Variants in FAM91A1 observed in about 807,000 individuals in gnomAD.
FAM91A1 encodes the protein family with sequence similarity 91 member A1.
Under a neutral mutation model 113.5 loss-of-function variants are expected in FAM91A1, and 41 were observed. That is an observed-to-expected ratio of 0.36 (90% CI 0.28 to 0.47). The LOEUF (loss-of-function observed/expected upper bound fraction) is 0.47. Ranked by LOEUF, FAM91A1 falls within the 20% of genes least tolerant of loss-of-function variation. The probability of loss-of-function intolerance (pLI) is 1.00; values close to 1 mark genes in which losing one functional copy is unlikely to be tolerated. For synonymous variants in FAM91A1, 307 were observed against 347.9 expected, an observed-to-expected ratio of 0.88 and a Z score of 1.31; for missense variants, 696 against 1,001.2, an observed-to-expected ratio of 0.70 and a Z score of 4.11.
chr8:123,806,588 G>A (rs1424210121), intron 20 of FAM91A1, among the ~76,000 whole-genome samples: 2 of 151,990 alleles, frequency 1.3e-5, no homozygotes, highest in Non-Finnish European at 2.9e-5. Context: ...AACTTTTTCT[G>A]TCAAAAGGTA....
At chr8:123,787,970 A>G (rs780689199) in intron 14 of FAM91A1, among the ~76,000 whole-genome samples, 86 of 152,262 alleles carry the variant, frequency 5.6e-4, no homozygotes, top group Non-Finnish European at 1.0e-3. Flanking sequence ...TGTCTACCTC[A>G]TCTAATTCTT....
At chr8:123,806,015 G>A (rs1459640026) in intron 19 of FAM91A1, 65 bp from the exon 20 acceptor site, 9 of 1,411,504 alleles carry the variant, frequency 6.4e-6, no homozygotes, top group Non-Finnish European at 8.4e-6. Flanking sequence ...AATAAAGTAT[G>A]TTTAAGCTGT....
intron 9 of FAM91A1, 146 bp from the exon 10 acceptor site, chr8:123,784,935 G>A: frequency 1.8e-6 from 1 of 555,354 alleles, no homozygotes; most frequent in Non-Finnish European, 3.1e-6. Flanking sequence ...AGGGAAAGAA[G>A]AAAGTTCTGA....
Position 123,814,162 on chromosome 8 carries a change from A to G in FAM91A1, c.*1458A>G, listed in dbSNP as rs1430715617. The G allele has an allele frequency of 2.5e-6, 1 of 401,896 alleles. No individual in the cohort carries two copies. The highest frequency in any genetic ancestry group is 4.8e-6 in the Non-Finnish European group (1 of 209,976). 24.9% of individuals were successfully genotyped at this position (401,896 alleles called of 1,614,324 possible). A position where few individuals can be genotyped will look rare whatever the true frequency, so the allele number is the denominator to read the frequency against. ...CGGTTAGTTTTCTACTTTGTCTTATAGAAGGTAGAAACCATGTGTATGTTA... is the reference window on the plus strand; with the variant it reads ...CGGTTAGTTTTCTACTTTGTCTTATGGAAGGTAGAAACCATGTGTATGTTA... On this transcript the variant is annotated 3_prime_UTR_variant, in exon 24 of 24. Coordinates refer to ENST00000334705, the MANE Select transcript of FAM91A1 (RefSeq NM_144963.4).
rs1199768827 is a variant in FAM91A1, at chr8:123,787,290, C to G, written c.1108C>G (p.Leu370Val). 9 of 1,611,148 alleles carry G rather than the reference C, an allele frequency of 5.6e-6. No homozygotes were observed. Among genetic ancestry groups the G allele is most frequent in the Non-Finnish European group, 7.6e-6 (9 of 1,179,406 alleles). The change falls in exon 13 of 24, where the codon CTG becomes GTG. Residue 370 changes from leucine (L) to valine (V), a missense_variant. Physicochemically the swap from Leu to Val is conservative, Grantham distance 32. Transcript: ENST00000334705. ...ADTASVSSLS[L>V]STGHTKRIAF... ...CACAGCCAGTGTAAGCAGCCTGAGT[C>G]TGTCTACAGGACACACGAAGCGCAT... is the stretch of plus-strand genomic sequence containing the variant.
chr8:123,794,736 C>T (rs1285266485), intron 15 of FAM91A1, among the ~76,000 whole-genome samples: 1 of 152,178 alleles, frequency 6.6e-6, no homozygotes, highest in Non-Finnish European at 1.5e-5. Context: ...TCAAATAACA[C>T]TAGGGGAGCC....
At position 123,777,958 on chromosome 8, in the gene FAM91A1, C is replaced by T. The variant is rs191234196; in HGVS notation, c.368-67C>T. On this transcript the variant is annotated intron_variant, in intron 4 of 23. Transcript: ENST00000334705. ...AATAAGCTCGGGTTTTTCCTACAAT[C>T]GCTTGTGAACATATTGAGATTTCAA... 3.5e-5 allele frequency: 47 copies of T among 1,345,766 alleles called. No individual in the cohort carries two copies. In the African/African-American group the frequency reaches 3.9e-4, roughly 11 times the overall value. 83.4% of individuals were successfully genotyped at this position (1,345,766 alleles called of 1,614,324 possible). A position where few individuals can be genotyped will look rare whatever the true frequency, so the allele number is the denominator to read the frequency against.
intron 18 of FAM91A1, among the ~76,000 whole-genome samples, chr8:123,803,490 A>G (rs111869283): frequency 1.3e-5 from 2 of 151,872 alleles, no homozygotes; most frequent in Admixed American, 1.3e-4. Context: ...TTTTATAGAG[A>G]CAGGGTTTCA....
At chr8:123,805,415 T>C (rs566905986) in intron 19 of FAM91A1, 76 bp downstream of exon 19, 19 of 1,159,530 alleles carry the variant, frequency 1.6e-5, no homozygotes, top group African/African-American at 1.3e-4. Flanking sequence ...GTGGAAAACA[T>C]GGCAGGAAAT....
chr8:123,788,239 T>C, intron 14 of FAM91A1: 8 of 984,038 alleles, frequency 8.1e-6, no homozygotes, highest in Non-Finnish European at 9.7e-6. Context: ...CTTAACCACC[T>C]TTTTCCCCGT....
intron 23 of FAM91A1, chr8:123,811,289 G>A (rs1193462788): frequency 6.6e-6 from 1 of 152,236 alleles, no homozygotes; most frequent in Non-Finnish European, 1.5e-5. Flanking sequence ...TCTGGCATAT[G>A]TTAGAGAACT....
chr8:123,793,881 A>G (rs181635229), intron 15 of FAM91A1, among the ~76,000 whole-genome samples: 1 of 152,350 alleles, frequency 6.6e-6, no homozygotes, highest in Admixed American at 6.5e-5. Flanking sequence ...TTTTAACGTT[A>G]AATATCTCTT....
intron 18 of FAM91A1, among the ~76,000 whole-genome samples, chr8:123,802,162 G>A (rs1815701391): frequency 6.6e-6 from 1 of 152,164 alleles, no homozygotes; most frequent in African/African-American, 2.4e-5. Context: ...TTGAGAATGG[G>A]AGGGAGTGGG....
At chr8:123,771,182 A>T (rs978846667) in intron 1 of FAM91A1, among the ~76,000 whole-genome samples, 1 of 152,154 alleles carries the variant, frequency 6.6e-6, no homozygotes, top group Non-Finnish European at 1.5e-5. Flanking sequence ...TTACCATTGC[A>T]TTGTATTCCT....
At chr8:123,778,146 G>GT (rs1815033478) in intron 5 of FAM91A1, 54 bp downstream of exon 5, 4 of 1,286,090 alleles carry the variant, frequency 3.1e-6, no homozygotes, top group African/African-American at 1.5e-5. Context: ...AGTTTGATTA[G>GT]TTTTTTTAAG....
rs892357333 is a variant in FAM91A1, at chr8:123,774,003, TA to T, written c.73-74del. The T allele has an allele frequency of 9.4e-5, 107 of 1,139,034 alleles. No individual in the cohort carries two copies. In the African/African-American group the frequency reaches 1.4e-3, roughly 15 times the overall value. 70.6% of individuals were successfully genotyped at this position (1,139,034 alleles called of 1,614,324 possible). A position where few individuals can be genotyped will look rare whatever the true frequency, so the allele number is the denominator to read the frequency against. The stretch of plus-strand genomic sequence containing the variant: ...AGGATAAAAATGGGGGTCGTGGTTT[TA>T]AAGTGTGTTATGGGAAAAAATAGTA... On this transcript the variant is annotated intron_variant, in intron 1 of 23. Transcript: ENST00000334705.
intron 12 of FAM91A1, 99 bp from the exon 13 acceptor site, chr8:123,787,162 T>C: frequency 2.2e-6 from 2 of 898,858 alleles, no homozygotes; most frequent in Non-Finnish European, 3.5e-6. Context: ...TTATGTACTT[T>C]CTGGTTATCA....
At position 123,812,886 on chromosome 8, in the gene FAM91A1, C is replaced by T. The variant is rs958217061; in HGVS notation, c.*182C>T. ...TTGCTCATTATTGCACATCTTATTGCGACAAAGTGCTTTTTAGCAGCCAGC... is the reference window on the plus strand; with the variant it reads ...TTGCTCATTATTGCACATCTTATTGTGACAAAGTGCTTTTTAGCAGCCAGC... On this transcript the variant is annotated 3_prime_UTR_variant, in exon 24 of 24. Coordinates refer to ENST00000334705, the MANE Select transcript of FAM91A1 (RefSeq NM_144963.4). 25 of 510,752 alleles carry T rather than the reference C, an allele frequency of 4.9e-5. No homozygotes were observed. The highest frequency in any genetic ancestry group is 2.8e-4 in the South Asian group (6 of 21,078). The allele number at this position is 510,752 out of a possible 1,614,324, so 31.6% of individuals were successfully genotyped here.
At chr8:123,798,357 T>C in intron 16 of FAM91A1, 119 bp downstream of exon 16, 1 of 1,155,658 alleles carries the variant, frequency 8.7e-7, no homozygotes. Context: ...CAATTTTGTA[T>C]TTTATGCCTT....
Sources: allele counts gnomAD v4.1 joint callset (sites outside exome capture counted in the v4.1 genomes callset), GRCh38; gene constraint gnomAD v4.1.1; transcripts MANE v1.5; gene names NCBI Gene and HGNC (gene_info 2026-07-23, HGNC 2026-07-21).